CSMD1: variants seen among roughly 807,000 people sequenced by gnomAD.
CSMD1 encodes CUB and sushi domain-containing protein 1.
In CSMD1, 213 loss-of-function variants were observed where a neutral mutation model predicts 417.5. The ratio of observed to expected loss-of-function variants is 0.51; its 90% CI spans 0.46 to 0.57. CSMD1 has a LOEUF of 0.57. Ranked by LOEUF, CSMD1 falls within the 20% of genes least tolerant of loss-of-function variation. CSMD1 has a pLI of 0.00. For synonymous variants in CSMD1, 2,862 were observed against 1,736.8 expected (o/e 1.65, Z -16.11); for missense variants, 6,923 against 4,529.7 (o/e 1.53, Z -15.17).
At chr8:4,540,043 G>A (rs1051140492) in intron 2 of CSMD1, among the ~76,000 whole-genome samples, 1 of 152,122 alleles carries the variant, frequency 6.6e-6, no homozygotes, top group African/African-American at 2.4e-5. Context: ...GCAGCAAGCT[G>A]AACCTCCCCC....
At chr8:4,423,247 G>C (rs1049712646) in intron 2 of CSMD1, among the ~76,000 whole-genome samples, 1 of 151,982 alleles carries the variant, frequency 6.6e-6, no homozygotes, top group Non-Finnish European at 1.5e-5. Flanking sequence ...ATGCGTATGG[G>C]TCAGATAGGA....
At chr8:3,736,465 G>A (rs1262337101) in intron 6 of CSMD1, among the ~76,000 whole-genome samples, 2 of 151,994 alleles carry the variant, frequency 1.3e-5, no homozygotes, top group African/African-American at 2.4e-5. Context: ...GGCTTGTCTC[G>A]AAATCTTGGG....
chr8:3,311,873 A>G (rs893558144), intron 23 of CSMD1, among the ~76,000 whole-genome samples: 1 of 152,210 alleles, frequency 6.6e-6, no homozygotes, highest in Admixed American at 6.5e-5. Flanking sequence ...GTTTATAGCC[A>G]TAAGCTCTAC....
chr8:3,504,393 T>A (rs2117360038), intron 10 of CSMD1, among the ~76,000 whole-genome samples: 1 of 152,308 alleles, frequency 6.6e-6, no homozygotes, highest in Middle Eastern at 3.4e-3. Flanking sequence ...TGATGCCGAT[T>A]TCCCTGGGGG....
At chr8:4,714,315 G>C (rs940580032) in intron 1 of CSMD1, among the ~76,000 whole-genome samples, 2 of 151,984 alleles carry the variant, frequency 1.3e-5, no homozygotes, top group African/African-American at 2.4e-5. Flanking sequence ...AAGAAATCTA[G>C]ACCTTTCTCA....
At chr8:3,638,467 AT>A (rs1797149955) in intron 7 of CSMD1, among the ~76,000 whole-genome samples, 1 of 152,160 alleles carries the variant, frequency 6.6e-6, no homozygotes, top group South Asian at 2.1e-4. Flanking sequence ...TGCCTCTGAA[AT>A]TCTGAAACCT....
At chr8:4,331,201 T>C (rs1030475768) in intron 3 of CSMD1, among the ~76,000 whole-genome samples, 9 of 152,194 alleles carry the variant, frequency 5.9e-5, no homozygotes, top group African/African-American at 2.2e-4. Flanking sequence ...CTCAAATAGT[T>C]GACAAGATTA....
Position 4,893,249 on chromosome 8 carries a change from T to C in CSMD1, c.85+101083A>G, listed in dbSNP as rs1804246383. Among the ~76,000 whole-genome samples the C allele has an allele frequency of 2.0e-5, 3 of 152,124 alleles. No individual in the cohort carries two copies. The South Asian group carries it at 6.2e-4, about 31-fold the overall frequency. Reference sequence around the variant, plus strand: ...TTTCTTCTTTTAATTGCCTACTTAATATTTTTCCAATGTTTCTAACTGATG... The same window carrying C: ...TTTCTTCTTTTAATTGCCTACTTAACATTTTTCCAATGTTTCTAACTGATG... On this transcript the variant is annotated intron_variant, in intron 1 of 69. Coordinates refer to ENST00000635120, the MANE Select transcript of CSMD1 (RefSeq NM_033225.6).
At chr8:4,054,044 C>T (rs1357952733) in intron 3 of CSMD1, among the ~76,000 whole-genome samples, 1 of 152,186 alleles carries the variant, frequency 6.6e-6, no homozygotes, top group East Asian at 1.9e-4. Flanking sequence ...TTAGGAAGTT[C>T]ACTGAGAGCC....
intron 59 of CSMD1, among the ~76,000 whole-genome samples, chr8:2,964,224 T>C (rs1803749949): frequency 6.6e-6 from 1 of 152,248 alleles, no homozygotes; most frequent in East Asian, 1.9e-4. Flanking sequence ...TTCAGGCTCA[T>C]GCCTTCTCAC....
chr8:4,775,656 T>C (rs560645484), intron 1 of CSMD1, among the ~76,000 whole-genome samples: 11 of 152,242 alleles, frequency 7.2e-5, no homozygotes, highest in Admixed American at 2.0e-4. Flanking sequence ...AAAAACATCA[T>C]CTTATGCTGT....
At chr8:4,503,692 G>A (rs369910783) in intron 2 of CSMD1, among the ~76,000 whole-genome samples, 44 of 152,164 alleles carry the variant, frequency 2.9e-4, no homozygotes, top group Middle Eastern at 6.8e-3. Flanking sequence ...ACCTGGACTC[G>A]TCTAATGAAC....
chr8:4,161,105 A>T (rs1469975865), intron 3 of CSMD1, among the ~76,000 whole-genome samples: 1 of 129,742 alleles, frequency 7.7e-6, no homozygotes, highest in Non-Finnish European at 1.7e-5. Context: ...TTTCCAGGAA[A>T]TATAAACAAA....
At chr8:3,916,259 G>A (rs1808820536) in intron 5 of CSMD1, among the ~76,000 whole-genome samples, 1 of 152,032 alleles carries the variant, frequency 6.6e-6, no homozygotes, top group African/African-American at 2.4e-5. Flanking sequence ...ATATACAACA[G>A]GAGCCCAGAA....
At chr8:4,862,387 T>G (rs538802279) in intron 1 of CSMD1, among the ~76,000 whole-genome samples, 1 of 152,222 alleles carries the variant, frequency 6.6e-6, no homozygotes, top group East Asian at 1.9e-4. Context: ...GCAGTAGTTC[T>G]TTCAAAGAAT....
At position 3,343,454 on chromosome 8, in the gene CSMD1, A is replaced by T. The variant is rs778241993; in HGVS notation, c.3475-4T>A. On this transcript the variant is annotated splice_polypyrimidine_tract_variant and splice_region_variant and intron_variant, in intron 22 of 69. Coordinates refer to ENST00000635120, the MANE Select transcript of CSMD1 (RefSeq NM_033225.6). Reference sequence around the variant, plus strand: ...AACTGTCTTTTCCATCATATACCTGATGAAAATTCACAGCATGAGTCCCTC... The same window carrying T: ...AACTGTCTTTTCCATCATATACCTGTTGAAAATTCACAGCATGAGTCCCTC... 1 of 1,611,328 alleles carries T rather than the reference A, an allele frequency of 6.2e-7. No homozygotes were observed. The highest frequency in any genetic ancestry group is 1.7e-5 in the Admixed American group (1 of 59,802).
chr8:3,633,995 T>C (rs1796911687), intron 7 of CSMD1, among the ~76,000 whole-genome samples: 1 of 144,390 alleles, frequency 6.9e-6, no homozygotes, highest in Admixed American at 7.4e-5. Flanking sequence ...GACCCTTATA[T>C]AAAATGTCTG....
Position 3,586,282 on chromosome 8 carries a change from A to T in CSMD1, c.1098-22T>A, listed in dbSNP as rs750423865. ...AACCCTAAGCCGTTAAAAAAGAAAA[A>T]AAAAAACCCAAATTATTTACAGAAG... On this transcript the variant is annotated intron_variant, in intron 8 of 69. Coordinates refer to ENST00000635120, the MANE Select transcript of CSMD1 (RefSeq NM_033225.6). 1.9e-6 allele frequency: 3 copies of T among 1,550,040 alleles called. No individual in the cohort carries two copies. In the East Asian group the frequency reaches 6.8e-5, roughly 35 times the overall value.
intron 2 of CSMD1, among the ~76,000 whole-genome samples, chr8:4,578,594 T>A (rs182295041): frequency 7.3e-5 from 11 of 151,278 alleles, no homozygotes; most frequent in Admixed American, 5.3e-4. Context: ...AGGTGGGCGG[T>A]TCACGAGGTC....
Sources: allele counts gnomAD v4.1 joint callset (sites outside exome capture counted in the v4.1 genomes callset), GRCh38; gene constraint gnomAD v4.1.1; transcripts MANE v1.5; gene names NCBI Gene and HGNC (gene_info 2026-07-23, HGNC 2026-07-21).